ACOT2: variants seen among roughly 807,000 people sequenced by gnomAD.
ACOT2 encodes the protein acyl-CoA thioesterase 2, also known as acyl-coenzyme A thioesterase 2, mitochondrial.
A neutral mutation model predicts 20.1 loss-of-function variants in ACOT2; 15 were observed. That is an observed-to-expected ratio of 0.75 (90% CI 0.50 to 1.15). The LOEUF (loss-of-function observed/expected upper bound fraction) is 1.15. ACOT2 is among the 50% of genes most tolerant of loss of function. The probability of loss-of-function intolerance (pLI) is 0.00; values close to 1 mark genes in which losing one functional copy is unlikely to be tolerated. For synonymous variants in ACOT2, 252 were observed against 268.4 expected (o/e 0.94, Z 0.60); for missense variants, 479 against 615.3 (o/e 0.78, Z 2.34).
Position 73,574,263 on chromosome 14 carries a change from A to ATTTTTT in ACOT2, c.847-631_847-626dup. ...TTATTATGCAATTTTAAATTCCAGT[A>ATTTTTT]TTTTTTTTTTTTTTTTTTTGAGATG... On this transcript the variant is annotated intron_variant, in intron 2 of 2. Transcript: ENST00000238651. 3.7e-5 allele frequency: 4 copies of ATTTTTT among 107,454 alleles called. No individual in the cohort carries two copies. The South Asian group carries it at 1.2e-3, about 32-fold the overall frequency. The allele number at this position is 107,454 out of a possible 1,614,324, so 6.7% of individuals were successfully genotyped here.
upstream of ACOT2, among the ~76,000 whole-genome samples, chr14:73,568,304 TATAAA>T (rs1889640267): frequency 6.6e-6 from 1 of 151,322 alleles, no homozygotes; most frequent in Non-Finnish European, 1.5e-5. Flanking sequence ...GGTAGGAAAT[TATAAA>T]ATCAGGTACA....
At position 73,570,016 on chromosome 14, in the gene ACOT2, A is replaced by G. The variant is rs1216462890; in HGVS notation, c.643+133A>G. ...GCTATATTGCCCAGGCAGGTTTCGAATTCCTGGTCTCCAGCTATCTTCCCG... is the reference window on the plus strand; with the variant it reads ...GCTATATTGCCCAGGCAGGTTTCGAGTTCCTGGTCTCCAGCTATCTTCCCG... On this transcript the variant is annotated intron_variant, in intron 1 of 2. Transcript: ENST00000238651. 1.0e-5 allele frequency: 14 copies of G among 1,353,850 alleles called. No homozygotes were observed. In the African/African-American group the frequency reaches 1.9e-4, roughly 19 times the overall value. 83.9% of individuals were successfully genotyped at this position (1,353,850 alleles called of 1,614,324 possible). A position where few individuals can be genotyped will look rare whatever the true frequency, so the allele number is the denominator to read the frequency against.
intron 1 of ACOT2, among the ~76,000 whole-genome samples, chr14:73,572,650 T>C (rs1266315987): frequency 0.022 from 2,772 of 123,232 alleles, 148 homozygotes; most frequent in South Asian, 0.085. Flanking sequence ...TTTTTTTTTT[T>C]TTTTTTTTTT....
chr14:73,574,683 G>A (rs1446337994), intron 2 of ACOT2, among the ~76,000 whole-genome samples: 1 of 152,018 alleles, frequency 6.6e-6, no homozygotes, highest in Non-Finnish European at 1.5e-5. Context: ...AGAAACCAGA[G>A]AATAATTGAT....
chr14:73,572,578 G>A (rs1889778942), intron 1 of ACOT2, among the ~76,000 whole-genome samples: 1 of 148,582 alleles, frequency 6.7e-6, no homozygotes, highest in South Asian at 2.2e-4. Context: ...GTGGGACGTT[G>A]ATGGTTTGCG....
rs766334622 is a variant in ACOT2, at chr14:73,569,880, C to T, written c.640C>T (p.Pro214Ser). ...GGTGCGAGGCACGCTCTTCCTGCCG[C>T]CAGGTGACTCACCTCCGCTAATTGT... is the stretch of plus-strand genomic sequence containing the variant. ...GRVRGTLFLP[P>S]EPGPFPGIVD... Residue 214 changes from proline (P) to serine (S), a missense_variant, in exon 1 of 3, where the codon CCA becomes TCA. This residue lies in a region of ACOT2 where 400 missense variants were observed against 395.5 expected (regional missense o/e 1.01). Coordinates refer to ENST00000238651, the MANE Select transcript of ACOT2 (RefSeq NM_006821.6). 2.5e-6 allele frequency: 4 copies of T among 1,603,500 alleles called. No individual in the cohort carries two copies. The highest frequency in any genetic ancestry group is 1.7e-4 in the Middle Eastern group (1 of 5,962).
intron 1 of ACOT2, among the ~76,000 whole-genome samples, chr14:73,572,417 A>G (rs1889773160): frequency 6.6e-6 from 1 of 151,996 alleles, no homozygotes; most frequent in African/African-American, 2.4e-5. Flanking sequence ...AGGAGAACAC[A>G]TTCAGTATCA....
Position 73,575,231 on chromosome 14 carries a change from C to T in ACOT2, c.1170C>T (p.Asn390=). 1.1e-6 allele frequency: 1 copy of T among 919,764 alleles called. No homozygotes were observed. The highest frequency in any genetic ancestry group is 1.6e-6 in the Non-Finnish European group (1 of 639,696). 57.0% of individuals were successfully genotyped at this position (919,764 alleles called of 1,614,324 possible). The change falls in exon 3 of 3, where the codon AAC becomes AAT. Residue 390 remains asparagine, a synonymous_variant. Coordinates refer to ENST00000238651, the MANE Select transcript of ACOT2 (RefSeq NM_006821.6). The part of the protein sequence containing the change: ...FLFLVGQDDH[N]WKSEFYANEA... ...TCCTGGTAGGTCAGGATGACCACAA[C>T]TGGAAGAGTGAGTTCTATGCTAATG...
In ACOT2 at chr14:73,573,550, A is replaced by G; in HGVS notation, c.806A>G (p.Tyr269Cys). ...PKTMETLHLEYFEEAMNYLLS... is the reference protein window; with the variant it reads ...PKTMETLHLECFEEAMNYLLS... ...ACCATGGAGACGCTCCATCTGGAGT[A>G]CTTTGAAGAAGCCATGAACTACTTG... Residue 269 changes from tyrosine (Y) to cysteine (C), a missense_variant, in exon 2 of 3, where the codon TAC becomes TGC. By Grantham distance (194) the Tyr-to-Cys change is radical. Around this residue, in one of 4 missense-constraint regions of ACOT2, gnomAD observed 400 missense variants for 395.5 expected, o/e 1.01. Coordinates refer to ENST00000238651, the MANE Select transcript of ACOT2 (RefSeq NM_006821.6). The G allele has an allele frequency of 6.2e-7, 1 of 1,613,708 alleles. No individual in the cohort carries two copies. Among genetic ancestry groups the G allele is most frequent in the Non-Finnish European group, 8.5e-7 (1 of 1,179,720 alleles).
intron 1 of ACOT2, 89 bp downstream of exon 1, chr14:73,569,972 C>G: frequency 1.4e-6 from 2 of 1,464,502 alleles, no homozygotes; most frequent in Non-Finnish European, 1.8e-6. Context: ...ATGTGTATGC[C>G]CCCCCGCCGC....
upstream of ACOT2, among the ~76,000 whole-genome samples, chr14:73,568,603 A>G (rs1398249787): frequency 6.6e-6 from 1 of 152,010 alleles, no homozygotes; most frequent in Admixed American, 6.6e-5. Context: ...TGGGACAATA[A>G]TTGAGAAACC....
intron 1 of ACOT2, among the ~76,000 whole-genome samples, chr14:73,572,259 A>G (rs1305959961): frequency 6.8e-6 from 1 of 146,286 alleles, no homozygotes; most frequent in African/African-American, 2.5e-5. Context: ...AGAACAGATT[A>G]ATAAATTGAG....
At chr14:73,568,522 G>A (rs1380590871), upstream of ACOT2, among the ~76,000 whole-genome samples, 1 of 151,822 alleles carries the variant, frequency 6.6e-6, no homozygotes, top group Non-Finnish European at 1.5e-5. Flanking sequence ...ATGGTAAACT[G>A]CCGCTGTACT....
intron 1 of ACOT2, among the ~76,000 whole-genome samples, chr14:73,572,322 T>C (rs554297299): frequency 6.6e-6 from 1 of 151,542 alleles, no homozygotes; most frequent in Admixed American, 6.6e-5. Flanking sequence ...AATCAACATC[T>C]ATCAAGATAT....
At chr14:73,568,269 A>G (rs1180018318), upstream of ACOT2, 1 of 151,920 alleles carries the variant, frequency 6.6e-6, no homozygotes, top group Non-Finnish European at 1.5e-5. Flanking sequence ...AAGCCTACAC[A>G]TTTATAGCTT....
chr14:73,573,646 G>A (rs1889812798), intron 2 of ACOT2, 56 bp downstream of exon 2: 1 of 1,603,750 alleles, frequency 6.2e-7, no homozygotes. Context: ...TTCTTAAATG[G>A]TCTGGGTTTT....
chr14:73,569,944 G>GC lies in ACOT2; in HGVS notation c.643+65dup, dbSNP rs1366888925. 2.7e-5 allele frequency: 42 copies of GC among 1,531,362 alleles called. 1 individual carries two copies. The highest frequency in any genetic ancestry group is 9.8e-5 in the Admixed American group (5 of 50,986). 94.9% of individuals were successfully genotyped at this position (1,531,362 alleles called of 1,614,324 possible). On this transcript the variant is annotated intron_variant, in intron 1 of 2. Transcript: ENST00000238651. ...GCCTTTCACTTTGTGTGTCTCCCCC[G>GC]CCCCACGCTTTTCGCTTATGTGTAT...
Position 73,569,389 on chromosome 14 carries a change from T to G in ACOT2, c.149T>G (p.Leu50Arg), listed in dbSNP as rs780463873. Residue 50 changes from leucine to arginine, a missense_variant, in exon 1 of 3, where the codon CTG becomes CGG. This residue lies in a region of ACOT2 where 400 missense variants were observed against 395.5 expected (regional missense o/e 1.01). Coordinates refer to ENST00000238651, the MANE Select transcript of ACOT2 (RefSeq NM_006821.6). The part of the protein sequence containing the change: ...SSAQFLGSPQ[L>R]RQVGQIIRVP... ...GCGCAGTTCCTGGGGTCTCCACAGC[T>G]GAGGCAGGTTGGTCAGATCATTAGG... is the stretch of plus-strand genomic sequence containing the variant. The G allele has an allele frequency of 6.2e-7, 1 of 1,613,986 alleles. No homozygotes were observed. The highest frequency in any genetic ancestry group is 1.7e-5 in the Admixed American group (1 of 60,024).
chr14:73,569,821 C>T lies in ACOT2; in HGVS notation c.581C>T (p.Pro194Leu), dbSNP rs751364371. 24 of 1,599,772 alleles carry T rather than the reference C, an allele frequency of 1.5e-5. No homozygotes were observed. The highest frequency in any genetic ancestry group is 1.8e-5 in the Non-Finnish European group (21 of 1,174,498). The stretch of plus-strand genomic sequence containing the variant: ...CGGCACGAGCGCTACTTCCTCCCGC[C>T]CGGGGTGCGGCGCGAGCCGGTGCGC... ...QTRHERYFLP[P>L]GVRREPVRVG... Residue 194 changes from proline to leucine, a missense_variant, in exon 1 of 3, where the codon CCC becomes CTC. Physicochemically the swap from Pro to Leu is moderately conservative, Grantham distance 98. This residue lies in a region of ACOT2 where 400 missense variants were observed against 395.5 expected (regional missense o/e 1.01). Transcript: ENST00000238651.
Sources: allele counts gnomAD v4.1 joint callset (sites outside exome capture counted in the v4.1 genomes callset), GRCh38; gene constraint gnomAD v4.1.1; regional missense constraint gnomAD v4.1.1; transcripts MANE v1.5; gene names NCBI Gene and HGNC (gene_info 2026-07-23, HGNC 2026-07-21).